Variants in TVP23A observed in about 807,000 individuals in gnomAD.
TVP23A encodes trans-golgi network vesicle protein 23 homolog A, also known as Golgi apparatus membrane protein TVP23 homolog A.
A neutral mutation model predicts 31.7 loss-of-function variants in TVP23A; 21 were observed. The ratio of observed to expected loss-of-function variants is 0.66; its 90% CI spans 0.47 to 0.95. The LOEUF is 0.95. Among genes scored for constraint, TVP23A ranks in the 40% least tolerant of loss-of-function variants. The pLI is 0.00. For missense variants in TVP23A, 279 were observed against 255.6 expected (o/e 1.09, Z -0.62); for synonymous variants, 104 against 96.0 (o/e 1.08, Z -0.49).
chr16:10,797,955 C>CTTTTT (rs1162130562), intron 2 of TVP23A, among the ~76,000 whole-genome samples: 16 of 122,932 alleles, frequency 1.3e-4, no homozygotes, highest in South Asian at 2.6e-4. Context: ...TTTTCTTTTT[C>CTTTTT]TTTTTTTTTT....
chr16:10,769,406 C>T (rs1176709290), intron 7 of TVP23A: 2 of 336,084 alleles, frequency 6.0e-6, no homozygotes, highest in African/African-American at 4.3e-5. Context: ...TCGTGGGATT[C>T]TGCTGTGTCG....
Position 10,779,803 on chromosome 16 carries a change from A to C in TVP23A, c.90-4707T>G, listed in dbSNP as rs536059704. ...AGTTTGCATTCATCTAAAATAAGTG[A>C]TTGGCCGGGGGCGGTGGCTCACGCC... On this transcript the variant is annotated intron_variant, in intron 2 of 7. Transcript: ENST00000299866. The surrounding 1 kb of genome is among the most constrained non-coding windows in gnomAD (Gnocchi z 4.9). Among the ~76,000 whole-genome samples the C allele has an allele frequency of 3.9e-5, 6 of 152,276 alleles. No individual in the cohort carries two copies. The highest frequency in any genetic ancestry group is 1.2e-4 in the African/African-American group (5 of 41,564).
At chr16:10,781,639 G>C (rs1216622978) in intron 2 of TVP23A, among the ~76,000 whole-genome samples, 2 of 152,156 alleles carry the variant, frequency 1.3e-5, no homozygotes, top group Non-Finnish European at 2.9e-5. Flanking sequence ...ATTTCACAAA[G>C]AAAAAGCACA....
At chr16:10,770,356 G>T in intron 6 of TVP23A, 25 bp from the exon 7 acceptor site, 2 of 1,550,168 alleles carry the variant, frequency 1.3e-6, no homozygotes, top group East Asian at 2.4e-5. Flanking sequence ...GTCAACCATG[G>T]TTTTCTGTCC....
chr16:10,790,146 G>C (rs1369917810), intron 2 of TVP23A, among the ~76,000 whole-genome samples: 1 of 152,100 alleles, frequency 6.6e-6, no homozygotes, highest in Non-Finnish European at 1.5e-5. Flanking sequence ...AATCTCTTCA[G>C]CATTGGGAGG....
intron 2 of TVP23A, among the ~76,000 whole-genome samples, chr16:10,780,302 C>T (rs2032345029): frequency 2.0e-5 from 3 of 152,060 alleles, no homozygotes; most frequent in Non-Finnish European, 4.4e-5. Context: ...CTTCAGACCC[C>T]TAATAAACTT....
downstream of TVP23A, chr16:10,758,073 CTG>C (rs1900687033): frequency 2.5e-6 from 4 of 1,591,306 alleles, no homozygotes; most frequent in South Asian, 1.1e-5. Context: ...GTGCTCCACA[CTG>C]TGAGATTTCT....
In TVP23A at chr16:10,774,058, C is replaced by T; in HGVS notation, c.305G>A (p.Trp102Ter). 1 of 1,611,844 alleles carries T rather than the reference C, an allele frequency of 6.2e-7. No individual in the cohort carries two copies. Residue 102 changes from tryptophan (W) to a stop codon, truncating the protein, a stop_gained, in exon 4 of 8, where the codon TGG (tryptophan) becomes TAG (stop). Coordinates refer to ENST00000299866, the MANE Select transcript of TVP23A (RefSeq NM_001079512.4). LOFTEE classifies it high-confidence loss of function. The stretch of plus-strand genomic sequence containing the variant: ...GAATACCTTCCTGGCTTCAAAGATC[C>T]AGTGGCTCTTCCCATCTTCATCTAT... ...NQIDEDGKSH[W>*]IFEARKVSPN...
intron 2 of TVP23A, among the ~76,000 whole-genome samples, chr16:10,794,700 G>A (rs1853498205): frequency 6.6e-6 from 1 of 152,146 alleles, no homozygotes; most frequent in African/African-American, 2.4e-5. Flanking sequence ...GGGGTTGGGG[G>A]CAAGTGCTGA....
chr16:10,808,602 G>C, intron 2 of TVP23A: 1 of 452,010 alleles, frequency 2.2e-6, no homozygotes, highest in Non-Finnish European at 4.4e-6. Context: ...TTTGAGACCC[G>C]GTCTCTACAA....
intron 2 of TVP23A, chr16:10,775,378 G>A (rs1361249845): frequency 5.0e-6 from 6 of 1,207,702 alleles, no homozygotes; most frequent in South Asian, 2.2e-5. Context: ...TTCGAAACAC[G>A]GTCATCTTTG....
chr16:10,797,915 G>A (rs1170892964), intron 2 of TVP23A, among the ~76,000 whole-genome samples: 3 of 145,774 alleles, frequency 2.1e-5, no homozygotes, highest in Non-Finnish European at 4.6e-5. Context: ...ATTCTATTTT[G>A]TATGTTTGGA....
In TVP23A at chr16:10,777,749, C is replaced by G. The variant is rs930049494; in HGVS notation, c.90-2653G>C. 6.6e-6 allele frequency among the ~76,000 whole-genome samples: 1 copy of G among 152,170 alleles called. No individual in the cohort carries two copies. The highest frequency in any genetic ancestry group is 2.4e-5 in the African/African-American group (1 of 41,436). Reference sequence around the variant, plus strand: ...GGATCAAGCCGGGCGTGGTGGCTCACGCCTGTAATCCCAGCACTTTGGGAG... The same window carrying G: ...GGATCAAGCCGGGCGTGGTGGCTCAGGCCTGTAATCCCAGCACTTTGGGAG... On this transcript the variant is annotated intron_variant, in intron 2 of 7. Transcript: ENST00000299866. The surrounding 1 kb of genome is among the most constrained non-coding windows in gnomAD (Gnocchi z 4.5).
chr16:10,804,690 G>A (rs1196405990), intron 2 of TVP23A, among the ~76,000 whole-genome samples: 1 of 152,218 alleles, frequency 6.6e-6, no homozygotes, highest in African/African-American at 2.4e-5. Flanking sequence ...AGGCTGCTGA[G>A]GGCTGTGATC....
In TVP23A at chr16:10,777,828, T is replaced by C. The variant is rs2032150614; in HGVS notation, c.90-2732A>G. 6.6e-6 allele frequency among the ~76,000 whole-genome samples: 1 copy of C among 151,036 alleles called. No individual in the cohort carries two copies. The highest frequency in any genetic ancestry group is 2.1e-4 in the South Asian group (1 of 4,754). ...AGACTGAGACCATCCCTGGCCAACA[T>C]GGTGAAACCCCGTCTCTACTAAAAA... On this transcript the variant is annotated intron_variant, in intron 2 of 7. Transcript: ENST00000299866. This position sits in a 1 kb window ranked among gnomAD's most constrained non-coding sequence, Gnocchi z 4.5.
intron 6 of TVP23A, 85 bp from the exon 7 acceptor site, chr16:10,770,416 C>T: frequency 2.8e-6 from 4 of 1,447,824 alleles, no homozygotes; most frequent in Non-Finnish European, 3.7e-6. Context: ...AGAAAACCCA[C>T]AAAGTACAGA....
At chr16:10,770,606 C>T (rs1004434294) in intron 6 of TVP23A, among the ~76,000 whole-genome samples, 27 of 151,384 alleles carry the variant, frequency 1.8e-4, no homozygotes, top group Non-Finnish European at 3.5e-4. Flanking sequence ...GGCACGGTAG[C>T]TCCCGCCTGT....
intron 2 of TVP23A, among the ~76,000 whole-genome samples, chr16:10,788,577 G>A (rs1361256853): frequency 6.6e-6 from 1 of 152,204 alleles, no homozygotes; most frequent in Non-Finnish European, 1.5e-5. Flanking sequence ...CAGGTTAAGA[G>A]TTCATAAAGG....
intron 2 of TVP23A, among the ~76,000 whole-genome samples, chr16:10,808,381 T>C (rs2034040845): frequency 6.6e-6 from 1 of 152,172 alleles, no homozygotes; most frequent in African/African-American, 2.4e-5. Context: ...GGGTGATTTT[T>C]ACTTCACGTG....
Sources: allele counts gnomAD v4.1 joint callset (sites outside exome capture counted in the v4.1 genomes callset), GRCh38; gene constraint gnomAD v4.1.1; non-coding constraint Gnocchi (gnomAD v3.1); transcripts MANE v1.5; gene names NCBI Gene and HGNC (gene_info 2026-07-23, HGNC 2026-07-21).